The following ARNT variants were observed in gnomAD, a reference collection of about 807,000 sequenced individuals.
ARNT encodes the protein class E basic helix-loop-helix protein 2.
In ARNT, 30 loss-of-function variants were observed where a neutral mutation model predicts 105.0. The observed-to-expected ratio is 0.29, with a 90% confidence interval of 0.21 to 0.39. The LOEUF (loss-of-function observed/expected upper bound fraction) is 0.39, where lower values mean the gene tolerates loss of function less well. Ranked by LOEUF, ARNT falls within the 10% of genes least tolerant of loss-of-function variation. The probability of loss-of-function intolerance (pLI) is 1.00; values close to 1 mark genes in which losing one functional copy is unlikely to be tolerated. For missense variants in ARNT, 748 were observed against 978.7 expected (o/e 0.76, Z 3.15); for synonymous variants, 304 against 344.0 (o/e 0.88, Z 1.29).
rs951558620 is a variant in ARNT, at chr1:150,821,062, A to T, written c.1394+2132T>A. ...TGTACTGTATTCTTACAATAAAGCT[A>T]AAGAGAAAATGTTATTAAGAAAATC... is the stretch of plus-strand genomic sequence containing the variant. On this transcript the variant is annotated intron_variant, in intron 14 of 21. Transcript: ENST00000358595. 5.3e-5 allele frequency among the ~76,000 whole-genome samples: 8 copies of T among 152,352 alleles called. No individual in the cohort carries two copies. The South Asian group carries it at 1.7e-3, about 32-fold the overall frequency.
At chr1:150,817,531 G>T in intron 15 of ARNT, 98 bp from the exon 16 acceptor site, 1 of 1,174,402 alleles carries the variant, frequency 8.5e-7, no homozygotes, top group East Asian at 2.5e-5. Context: ...AAACAGGCCG[G>T]GCATGGTGGC....
At chr1:150,873,093 GCTAACAGGGTGAAACCCTGT>G (rs1667722573) in intron 1 of ARNT, among the ~76,000 whole-genome samples, 1 of 151,904 alleles carries the variant, frequency 6.6e-6, no homozygotes, top group African/African-American at 2.4e-5. Flanking sequence ...GACCACCCTG[GCTAACAGGGTGAAACCCTGT>G]CTCTACTAAA....
At chr1:150,863,353 C>T (rs1282090823) in intron 1 of ARNT, among the ~76,000 whole-genome samples, 5 of 142,588 alleles carry the variant, frequency 3.5e-5, no homozygotes, top group Admixed American at 1.4e-4. Flanking sequence ...GAGACTCTGT[C>T]TCAAAAAAAA....
Position 150,818,044 on chromosome 1 carries a change from G to A in ARNT, c.1395-14C>T. 6.4e-7 allele frequency: 1 copy of A among 1,572,572 alleles called. No individual in the cohort carries two copies. Among genetic ancestry groups the A allele is most frequent in the South Asian group, 1.1e-5 (1 of 88,946 alleles). ...TGGCTAGAGTTCCTAGGAAACCAGA[G>A]TAGACAGTAAAGAGGGGGTGGAGAG... On this transcript the variant is annotated splice_polypyrimidine_tract_variant and intron_variant, in intron 14 of 21. Transcript: ENST00000358595.
intron 8 of ARNT, among the ~76,000 whole-genome samples, chr1:150,833,783 A>G (rs1003775440): frequency 4.7e-5 from 7 of 149,336 alleles, no homozygotes; most frequent in African/African-American, 1.7e-4. Context: ...TTTCTAACCA[A>G]AAAAAAAAAG....
At chr1:150,851,099 G>T (rs587628638) in intron 3 of ARNT, among the ~76,000 whole-genome samples, 1 of 149,588 alleles carries the variant, frequency 6.7e-6, no homozygotes, top group South Asian at 2.1e-4. Flanking sequence ...CAGCCGCCCC[G>T]TCCGGGAAGT....
intron 1 of ARNT, among the ~76,000 whole-genome samples, chr1:150,866,298 C>A (rs1461484756): frequency 1.3e-5 from 2 of 151,940 alleles, no homozygotes; most frequent in Admixed American, 1.3e-4. Flanking sequence ...GTTCCAAGGT[C>A]TTCTACTTTC....
Position 150,813,345 on chromosome 1 carries a change from A to ATTTTT in ARNT, c.2114-8_2114-7insAAAAA. On this transcript the variant is annotated splice_region_variant and splice_polypyrimidine_tract_variant and intron_variant, in intron 20 of 21. Transcript: ENST00000358595. Reference sequence around the variant, plus strand: ...GTCTGTCCAGTCTCAGGAGCTAGAAATACAGCAAGGAAGAATAAACAACTC... The same window carrying ATTTTT: ...GTCTGTCCAGTCTCAGGAGCTAGAAATTTTTTACAGCAAGGAAGAATAAACAACTC... The ATTTTT allele has an allele frequency of 6.2e-7, 1 of 1,600,032 alleles. No homozygotes were observed. The highest frequency in any genetic ancestry group is 1.1e-5 in the South Asian group (1 of 88,820).
chr1:150,818,346 AAAGT>A (rs1409196616), intron 14 of ARNT: 1 of 216,174 alleles, frequency 4.6e-6, no homozygotes, highest in Non-Finnish European at 9.1e-6. Context: ...TAAAAAAATG[AAAGT>A]ACATACACTG....
chr1:150,836,442 A>T lies in ARNT; in HGVS notation c.538T>A (p.Ser180Thr), dbSNP rs1401903752. The T allele has an allele frequency of 6.2e-7, 1 of 1,614,054 alleles. No homozygotes were observed. The highest frequency in any genetic ancestry group is 1.3e-5 in the African/African-American group (1 of 74,926). ...EAADGFLFIV[S>T]CETGRVVYVS... is the part of the protein sequence containing the mutation. ...TACACCACCCTGCCTGTCTCACATG[A>T]GACAATAAACAGAAAGCCATCTGCT... is the stretch of plus-strand genomic sequence containing the variant. The change falls in exon 7 of 22, where the codon TCA becomes ACA. Residue 180 changes from serine to threonine, a missense_variant. By Grantham distance (58) the Ser-to-Thr change is moderately conservative. This residue lies in a region of ARNT where 291 missense variants were observed against 444.6 expected (regional missense o/e 0.65). Coordinates refer to ENST00000358595, the MANE Select transcript of ARNT (RefSeq NM_001668.4).
intron 3 of ARNT, 47 bp downstream of exon 3, chr1:150,852,715 C>G: frequency 6.5e-7 from 1 of 1,549,158 alleles, no homozygotes; most frequent in Non-Finnish European, 8.9e-7. Context: ...AGATCATAAA[C>G]TAATTTTTAA....
intron 13 of ARNT, among the ~76,000 whole-genome samples, chr1:150,824,133 G>A (rs943880886): frequency 2.6e-5 from 4 of 151,838 alleles, no homozygotes; most frequent in African/African-American, 7.3e-5. Context: ...GAGCCACTGA[G>A]CCCGGCCAGA....
At chr1:150,863,620 G>A (rs1375458781) in intron 1 of ARNT, among the ~76,000 whole-genome samples, 2 of 151,702 alleles carry the variant, frequency 1.3e-5, no homozygotes, top group Non-Finnish European at 2.9e-5. Context: ...CCTAAGGTCA[G>A]GAGTTCGAGA....
At position 150,831,863 on chromosome 1, in the gene ARNT, C is replaced by T. The variant is rs141351742; in HGVS notation, c.910G>A (p.Val304Met). 182 of 1,596,244 alleles carry T rather than the reference C, an allele frequency of 1.1e-4. No homozygotes were observed. In the African/African-American group the frequency reaches 1.7e-3, roughly 15 times the overall value. ...GSVKDGEPHF[V>M]VVHCTGYIKA... ...ATGTAGCCTGTGCAGTGGACCACCA[C>T]GAAGTGAGGTTCCCCATCCTTTACA... Residue 304 changes from valine to methionine, a missense_variant, in exon 10 of 22, where the codon GTG becomes ATG. Around this residue, in one of 4 missense-constraint regions of ARNT, gnomAD observed 291 missense variants for 444.6 expected, o/e 0.65. Coordinates refer to ENST00000358595, the MANE Select transcript of ARNT (RefSeq NM_001668.4).
intron 14 of ARNT, chr1:150,818,369 CAA>C: frequency 5.7e-6 from 1 of 174,206 alleles, no homozygotes; most frequent in Non-Finnish European, 1.2e-5. Context: ...TGTACATCAA[CAA>C]AGACTATCTG....
intron 2 of ARNT, among the ~76,000 whole-genome samples, chr1:150,857,011 A>C (rs1234109164): frequency 6.6e-6 from 1 of 151,476 alleles, no homozygotes; most frequent in South Asian, 2.1e-4. Flanking sequence ...CTGATTACCA[A>C]TCATACATGT....
intron 12 of ARNT, among the ~76,000 whole-genome samples, chr1:150,828,827 T>C (rs187601392): frequency 3.3e-5 from 5 of 152,346 alleles, no homozygotes; most frequent in Admixed American, 1.3e-4. Context: ...ATGAGTACCT[T>C]TGAATCATCT....
At chr1:150,871,941 C>T (rs1410031400) in intron 1 of ARNT, among the ~76,000 whole-genome samples, 2 of 134,770 alleles carry the variant, frequency 1.5e-5, no homozygotes, top group Admixed American at 1.5e-4. Flanking sequence ...AAGGCCTTTG[C>T]AATATAATAA....
chr1:150,838,521 A>G (rs957289432), intron 6 of ARNT, among the ~76,000 whole-genome samples: 3 of 152,204 alleles, frequency 2.0e-5, no homozygotes, highest in African/African-American at 7.2e-5. Flanking sequence ...GTATATAGCT[A>G]CAAAGTATGT....
Sources: gnomAD v4.1 joint callset for allele counts (sites outside exome capture counted in the v4.1 genomes callset) on GRCh38, gnomAD v4.1.1 for gene constraint, gnomAD v4.1.1 regional missense constraint, MANE v1.5 for transcripts, NCBI Gene and HGNC (gene_info 2026-07-23, HGNC 2026-07-21) for gene names.